The following OPCML variants were observed in gnomAD, a reference collection of about 807,000 sequenced individuals.
OPCML encodes the protein opioid binding protein/cell adhesion molecule like.
In OPCML, 13 loss-of-function variants were observed where a neutral mutation model predicts 37.8. The observed-to-expected ratio is 0.34, with a 90% confidence interval of 0.22 to 0.55. OPCML has a LOEUF of 0.55. OPCML is among the 20% of genes least tolerant of loss of function. The pLI is 0.91. For missense variants in OPCML, 341 were observed against 435.6 expected (o/e 0.78, Z 1.93); for synonymous variants, 176 against 168.8 (o/e 1.04, Z -0.33).
At chr11:132,753,753 G>T (rs188918850) in intron 2 of OPCML, among the ~76,000 whole-genome samples, 2 of 152,090 alleles carry the variant, frequency 1.3e-5, no homozygotes, top group African/African-American at 2.4e-5. Flanking sequence ...ACTGGAAAGA[G>T]GACTCAAATA....
intron 2 of OPCML, among the ~76,000 whole-genome samples, chr11:132,825,058 C>G (rs763570519): frequency 1.3e-5 from 2 of 152,142 alleles, no homozygotes; most frequent in Non-Finnish European, 2.9e-5. Flanking sequence ...TTATTCCCAC[C>G]CTTCATCATG....
At chr11:132,785,805 C>G (rs753220971) in intron 2 of OPCML, among the ~76,000 whole-genome samples, 7 of 152,194 alleles carry the variant, frequency 4.6e-5, no homozygotes, top group Non-Finnish European at 7.3e-5. Flanking sequence ...CACAGATACA[C>G]AGATCCCAAC....
Position 133,039,946 on chromosome 11 carries a change from T to TGGC in OPCML, c.62-96937_62-96936insGCC, listed in dbSNP as rs1323458607. 1.1e-3 allele frequency among the ~76,000 whole-genome samples: 173 copies of TGGC among 151,966 alleles called. 1 individual carries two copies. Among genetic ancestry groups the TGGC allele is most frequent in the Non-Finnish European group, 2.1e-3 (143 of 67,952 alleles). On this transcript the variant is annotated intron_variant, in intron 1 of 7. Coordinates refer to ENST00000524381, the MANE Select transcript of OPCML (RefSeq NM_001012393.5). Reference sequence around the variant, plus strand: ...CGGGAGGCTGAGGCAGGAGAATTACTTGAACCCGGGAGGCGGAGGTTGCAG... The same window carrying TGGC: ...CGGGAGGCTGAGGCAGGAGAATTACTGGCTGAACCCGGGAGGCGGAGGTTGCAG...
intron 4 of OPCML, among the ~76,000 whole-genome samples, chr11:132,520,702 G>GTGTGTGTGTGTA (rs150655288): frequency 0.025 from 3,702 of 149,578 alleles, 57 homozygotes; most frequent in East Asian, 0.044. Flanking sequence ...GTGTGTGTGT[G>GTGTGTGTGTGTA]TATGCATATA....
intron 4 of OPCML, among the ~76,000 whole-genome samples, chr11:132,503,426 T>A (rs1018202116): frequency 1.3e-5 from 2 of 152,186 alleles, no homozygotes; most frequent in Non-Finnish European, 2.9e-5. Context: ...AGCATACATT[T>A]TCCTGTCCCC....
At chr11:133,500,707 C>T (rs2120534808) in intron 1 of OPCML, among the ~76,000 whole-genome samples, 1 of 152,330 alleles carries the variant, frequency 6.6e-6, no homozygotes, top group East Asian at 1.9e-4. Context: ...ATTTCTGCTC[C>T]CTTAATTCAA....
At chr11:132,677,789 A>T (rs1415162948) in intron 2 of OPCML, among the ~76,000 whole-genome samples, 1 of 152,210 alleles carries the variant, frequency 6.6e-6, no homozygotes, top group Non-Finnish European at 1.5e-5. Context: ...AAAACAAAAA[A>T]TTCTAAATCT....
rs148103994 is a variant in OPCML at position 133,223,313 on chromosome 11, G to A, written c.62-280303C>T. Among the ~76,000 whole-genome samples the A allele has an allele frequency of 2.7e-3, 415 of 152,360 alleles. 4 individuals carry two copies. Among genetic ancestry groups the A allele is most frequent in the Middle Eastern group, 6.8e-3 (2 of 294 alleles). ...CTGGGTACTAATGAGGAGCAAAGGA[G>A]AGGAACAGGACAGCACATAGGAAAA... On this transcript the variant is annotated intron_variant, in intron 1 of 7. Transcript: ENST00000524381.
intron 1 of OPCML, among the ~76,000 whole-genome samples, chr11:133,453,433 C>T (rs962141923): frequency 1.7e-4 from 26 of 152,154 alleles, no homozygotes; most frequent in Admixed American, 5.2e-4. Context: ...CTTTGCTTTT[C>T]TTTTTCATAG....
intron 1 of OPCML, among the ~76,000 whole-genome samples, chr11:133,437,483 T>C (rs1260516427): frequency 2.6e-5 from 4 of 152,120 alleles, no homozygotes; most frequent in Non-Finnish European, 5.9e-5. Flanking sequence ...AGAAGACAAT[T>C]AGGGTCTGGT....
At chr11:133,131,605 A>G (rs998343516) in intron 1 of OPCML, among the ~76,000 whole-genome samples, 4 of 152,216 alleles carry the variant, frequency 2.6e-5, no homozygotes, top group African/African-American at 9.6e-5. Context: ...GACAGTGTGC[A>G]GTTTCTTACA....
intron 2 of OPCML, among the ~76,000 whole-genome samples, chr11:132,823,608 C>T (rs1165065378): frequency 6.6e-6 from 1 of 152,062 alleles, no homozygotes; most frequent in African/African-American, 2.4e-5. Flanking sequence ...AACAAACAAA[C>T]AAACAAAAGC....
intron 2 of OPCML, among the ~76,000 whole-genome samples, chr11:132,708,024 A>G (rs1167275688): frequency 1.3e-5 from 2 of 152,194 alleles, no homozygotes; most frequent in African/African-American, 4.8e-5. Flanking sequence ...AATGATAAAA[A>G]CTACAAATTT....
intron 2 of OPCML, among the ~76,000 whole-genome samples, chr11:132,741,767 A>G (rs1945439520): frequency 6.6e-6 from 1 of 152,064 alleles, no homozygotes; most frequent in Non-Finnish European, 1.5e-5. Context: ...TGGCTCATGC[A>G]TGTAATCCCA....
chr11:133,119,937 G>C (rs866896945), intron 1 of OPCML, among the ~76,000 whole-genome samples: 1 of 152,110 alleles, frequency 6.6e-6, no homozygotes, highest in South Asian at 2.1e-4. Context: ...GCAGATGCAG[G>C]CTCTTCCTGC....
chr11:133,473,783 G>A (rs974984293), intron 1 of OPCML, among the ~76,000 whole-genome samples: 3 of 152,202 alleles, frequency 2.0e-5, no homozygotes, highest in Non-Finnish European at 4.4e-5. Context: ...CAACCCACAT[G>A]GGCAGGGCTG....
intron 3 of OPCML, among the ~76,000 whole-genome samples, chr11:132,648,298 C>T (rs1432317329): frequency 1.3e-5 from 2 of 152,108 alleles, no homozygotes; most frequent in Non-Finnish European, 2.9e-5. Flanking sequence ...GCAGCAGGAA[C>T]GTGTGGGAAA....
chr11:132,686,562 T>G (rs1269906228), intron 2 of OPCML, among the ~76,000 whole-genome samples: 1 of 152,214 alleles, frequency 6.6e-6, no homozygotes, highest in Non-Finnish European at 1.5e-5. Context: ...AGTTTCAGTT[T>G]ATGGCCAGCA....
intron 1 of OPCML, among the ~76,000 whole-genome samples, chr11:133,505,990 T>G (rs1948025059): frequency 6.6e-6 from 1 of 152,208 alleles, no homozygotes; most frequent in East Asian, 1.9e-4. Flanking sequence ...GTTTTCACCA[T>G]GCACAAAATA....
Sources: gnomAD v4.1 joint callset for allele counts (sites outside exome capture counted in the v4.1 genomes callset) on GRCh38, gnomAD v4.1.1 for gene constraint, MANE v1.5 for transcripts, NCBI Gene and HGNC (gene_info 2026-07-23, HGNC 2026-07-21) for gene names.